The following MALRD1 variants were observed in gnomAD, a reference collection of about 807,000 sequenced individuals.
The protein encoded by MALRD1 is MAM and LDL receptor class A domain containing 1.
In MALRD1, 247 loss-of-function variants were observed where a neutral mutation model predicts 242.1. That is an observed-to-expected ratio of 1.02 (90% CI 0.92 to 1.13). The LOEUF (loss-of-function observed/expected upper bound fraction) is 1.13, where lower values mean the gene tolerates loss of function less well. MALRD1 is among the 50% of genes most tolerant of loss of function. MALRD1 has a pLI of 0.00. For missense variants in MALRD1, 2,989 were observed against 2,533.1 expected, an observed-to-expected ratio of 1.18 and a Z score of -3.86; for synonymous variants, 995 against 866.6, an observed-to-expected ratio of 1.15 and a Z score of -2.60.
intron 32 of MALRD1, among the ~76,000 whole-genome samples, chr10:19,543,682 T>C (rs986185302): frequency 6.6e-6 from 1 of 152,134 alleles, no homozygotes; most frequent in Non-Finnish European, 1.5e-5. Flanking sequence ...ACCCAAACTC[T>C]GTAGCTTAAC....
At chr10:19,303,963 A>G (rs1019413294) in intron 21 of MALRD1, among the ~76,000 whole-genome samples, 2 of 151,730 alleles carry the variant, frequency 1.3e-5, no homozygotes, top group Non-Finnish European at 3.0e-5. Context: ...TTGAAACAAA[A>G]GCATACATGA....
intron 4 of MALRD1, among the ~76,000 whole-genome samples, chr10:19,097,597 T>G (rs1836088838): frequency 6.6e-6 from 1 of 152,172 alleles, no homozygotes. Context: ...AACCTTCTTT[T>G]GTCAGAGGCA....
Position 19,294,287 on chromosome 10 carries a change from A to T in MALRD1, c.3419+11106A>T, listed in dbSNP as rs374739121. On this transcript the variant is annotated intron_variant, in intron 21 of 39. Transcript: ENST00000454679. The stretch of plus-strand genomic sequence containing the variant: ...AATTGCCCCCAAAATTTGTAGGAAA[A>T]ACGTTTCCCAAACTAAGTGAAGGTA... Among the ~76,000 whole-genome samples the T allele has an allele frequency of 5.9e-5, 9 of 152,224 alleles. No individual in the cohort carries two copies. In the South Asian group the frequency reaches 1.2e-3, roughly 21 times the overall value.
At chr10:19,622,554 C>G (rs1198859727) in intron 36 of MALRD1, among the ~76,000 whole-genome samples, 1 of 150,380 alleles carries the variant, frequency 6.6e-6, no homozygotes, top group Non-Finnish European at 1.5e-5. Context: ...AACACAATCT[C>G]AACAAAAAGA....
chr10:19,623,891 T>C (rs74119706), intron 36 of MALRD1, among the ~76,000 whole-genome samples: 3,286 of 152,232 alleles, frequency 0.022, 131 homozygotes, highest in African/African-American at 0.076. Context: ...GGGCATCCCT[T>C]AGCTCAGTTA....
At chr10:19,590,011 T>C (rs1779049015) in intron 33 of MALRD1, among the ~76,000 whole-genome samples, 1 of 152,138 alleles carries the variant, frequency 6.6e-6, no homozygotes, top group Admixed American at 6.6e-5. Flanking sequence ...TCACTGGCCT[T>C]ACACCTCAAT....
At chr10:19,200,645 GTTTTTTTTTTTTTTT>G (rs71387053) in intron 14 of MALRD1, among the ~76,000 whole-genome samples, 1 of 69,450 alleles carries the variant, frequency 1.4e-5, no homozygotes, top group Non-Finnish European at 2.6e-5. Context: ...CCTGCTTGAG[GTTTTTTTTTTTTTTT>G]TTTTTTTTTT....
chr10:19,717,752 C>T (rs1186851541), intron 38 of MALRD1, among the ~76,000 whole-genome samples: 1 of 151,940 alleles, frequency 6.6e-6, no homozygotes, highest in Non-Finnish European at 1.5e-5. Context: ...TGCAGTGGCT[C>T]ACACCTACAA....
chr10:19,209,125 A>C (rs913391386), intron 17 of MALRD1, 143 bp from the exon 18 acceptor site: 1 of 627,234 alleles, frequency 1.6e-6, no homozygotes, highest in African/African-American at 1.9e-5. Context: ...AAAACACTTC[A>C]GTGTTGGATT....
intron 4 of MALRD1, among the ~76,000 whole-genome samples, chr10:19,098,137 T>C (rs1836112470): frequency 1.3e-5 from 2 of 152,168 alleles, no homozygotes; most frequent in Non-Finnish European, 2.9e-5. Context: ...TCACTCCTTT[T>C]TGTTGTTGTT....
intron 32 of MALRD1, among the ~76,000 whole-genome samples, chr10:19,556,713 T>C (rs1054966127): frequency 1.3e-5 from 2 of 152,148 alleles, no homozygotes; most frequent in Non-Finnish European, 2.9e-5. Context: ...ATAAAGTTGC[T>C]ATAAACAATC....
chr10:19,114,602 A>T (rs370417638), intron 5 of MALRD1, among the ~76,000 whole-genome samples: 1 of 152,060 alleles, frequency 6.6e-6, no homozygotes, highest in Non-Finnish European at 1.5e-5. Flanking sequence ...CCTAGGTGAC[A>T]AAAAAAGACT....
chr10:19,564,425 C>T (rs959605957), intron 32 of MALRD1, among the ~76,000 whole-genome samples: 1 of 151,814 alleles, frequency 6.6e-6, no homozygotes, highest in South Asian at 2.1e-4. Flanking sequence ...ATAATATAAC[C>T]TTTGTATATA....
chr10:19,379,582 A>T (rs1409944807), intron 26 of MALRD1, among the ~76,000 whole-genome samples: 1 of 152,030 alleles, frequency 6.6e-6, no homozygotes, highest in Non-Finnish European at 1.5e-5. Flanking sequence ...TATTTGTGTG[A>T]TTTTTCAGAT....
chr10:19,654,382 G>A (rs1331354499), intron 36 of MALRD1, among the ~76,000 whole-genome samples: 1 of 152,138 alleles, frequency 6.6e-6, no homozygotes, highest in East Asian at 1.9e-4. Context: ...GTAAATGTCT[G>A]TTTAATTTTT....
intron 28 of MALRD1, among the ~76,000 whole-genome samples, chr10:19,412,378 C>T (rs1208504963): frequency 6.6e-6 from 1 of 152,102 alleles, no homozygotes. Flanking sequence ...ACTACTTAAT[C>T]AATTGAAGGG....
chr10:19,595,840 G>C (rs1230547608), intron 34 of MALRD1, among the ~76,000 whole-genome samples: 1 of 152,150 alleles, frequency 6.6e-6, no homozygotes, highest in Non-Finnish European at 1.5e-5. Flanking sequence ...CATATTGATA[G>C]AGATTTCCTT....
Position 19,087,865 on chromosome 10 carries a change from A to G in MALRD1, c.366A>G (p.Arg122=). The G allele has an allele frequency of 2.4e-6, 3 of 1,232,870 alleles. No homozygotes were observed. Among genetic ancestry groups the G allele is most frequent in the Non-Finnish European group, 2.0e-6 (2 of 987,606 alleles). 76.4% of individuals were successfully genotyped at this position (1,232,870 alleles called of 1,614,324 possible). ...CTCACTTCCTCTCACTGGTTTCCAG[A>G]GTGGATTCTATTTCCTCAAGTTTAA... ...VSAHFLSLVS[R]VDSISSSLRS... Residue 122 remains arginine (R), a synonymous_variant, in exon 3 of 40, where the codon AGA becomes AGG. Coordinates refer to ENST00000454679, the MANE Select transcript of MALRD1 (RefSeq NM_001142308.3).
At chr10:19,495,343 C>T (rs1421466168) in intron 30 of MALRD1, among the ~76,000 whole-genome samples, 1 of 151,574 alleles carries the variant, frequency 6.6e-6, no homozygotes, top group African/African-American at 2.4e-5. Context: ...AAAGGAAGGA[C>T]AGGTCACCTA....
Sources: allele counts gnomAD v4.1 joint callset (sites outside exome capture counted in the v4.1 genomes callset), GRCh38; gene constraint gnomAD v4.1.1; transcripts MANE v1.5; gene names NCBI Gene and HGNC (gene_info 2026-07-23, HGNC 2026-07-21).